The following DTNA variants were observed in gnomAD, a reference collection of about 807,000 sequenced individuals.
DTNA encodes the protein dystrophin-related protein 3.
In DTNA, 43 loss-of-function variants were observed where a neutral mutation model predicts 100.7. The observed-to-expected ratio is 0.43, with a 90% CI of 0.33 to 0.55. The LOEUF is 0.55. Ranked by LOEUF, DTNA falls within the 20% of genes least tolerant of loss-of-function variation. The probability of loss-of-function intolerance (pLI) is 0.04; values close to 1 mark genes in which losing one functional copy is unlikely to be tolerated. For missense variants in DTNA, 798 were observed against 953.9 expected, an observed-to-expected ratio of 0.84 and a Z score of 2.15; for synonymous variants, 349 against 347.9, an observed-to-expected ratio of 1.00 and a Z score of -0.04.
intron 1 of DTNA, among the ~76,000 whole-genome samples, chr18:34,600,475 A>C (rs1481566272): frequency 6.6e-6 from 1 of 152,228 alleles, no homozygotes; most frequent in Admixed American, 6.5e-5. Context: ...TAGATGCTGA[A>C]ACAATGAATT....
chr18:34,792,354 G>T (rs1424284485), intron 3 of DTNA, among the ~76,000 whole-genome samples: 3 of 152,268 alleles, frequency 2.0e-5, no homozygotes, highest in South Asian at 2.1e-4. Flanking sequence ...TATAATGGAA[G>T]AAATTGGTGA....
intron 1 of DTNA, among the ~76,000 whole-genome samples, chr18:34,595,286 C>T (rs956610249): frequency 2.6e-5 from 4 of 152,056 alleles, no homozygotes; most frequent in African/African-American, 4.8e-5. Flanking sequence ...TGTAGGCATA[C>T]CTTTTATGTA....
chr18:34,600,742 T>A (rs1362595165), intron 1 of DTNA, among the ~76,000 whole-genome samples: 3 of 152,244 alleles, frequency 2.0e-5, no homozygotes, highest in African/African-American at 7.2e-5. Context: ...ATGATAAAAC[T>A]AAGATGTAGA....
At chr18:34,595,570 G>A (rs1009051434) in intron 1 of DTNA, among the ~76,000 whole-genome samples, 1 of 152,112 alleles carries the variant, frequency 6.6e-6, no homozygotes, top group Non-Finnish European at 1.5e-5. Context: ...CATCCTAAGT[G>A]TAGTTTTATA....
chr18:34,809,084 G>T (rs906698187), intron 5 of DTNA, among the ~76,000 whole-genome samples: 1 of 151,988 alleles, frequency 6.6e-6, no homozygotes, highest in African/African-American at 2.4e-5. Context: ...AAGGTAATTT[G>T]GTCACAAAAA....
At chr18:34,642,455 C>T (rs1187374795) in intron 1 of DTNA, among the ~76,000 whole-genome samples, 1 of 152,186 alleles carries the variant, frequency 6.6e-6, no homozygotes, top group Non-Finnish European at 1.5e-5. Flanking sequence ...GAACAACTTT[C>T]ACATTCCACT....
intron 4 of DTNA, among the ~76,000 whole-genome samples, chr18:34,797,988 C>T (rs57225217): frequency 7.7e-6 from 1 of 129,842 alleles, no homozygotes. Context: ...GAGCTCTTGT[C>T]GTACTAATTT....
chr18:34,888,647 G>A lies in DTNA; in HGVS notation c.*913G>A, dbSNP rs950133349. ...CTGTGAACTATGTTTTGAAATACTCGTTACTAAAGCTGTTTATAAACCACA... is the reference window on the plus strand; with the variant it reads ...CTGTGAACTATGTTTTGAAATACTCATTACTAAAGCTGTTTATAAACCACA... On this transcript the variant is annotated 3_prime_UTR_variant, in exon 23 of 23. Coordinates refer to ENST00000444659, the MANE Select transcript of DTNA (RefSeq NM_001386795.1). The A allele has an allele frequency of 2.8e-5, 28 of 985,562 alleles. No individual in the cohort carries two copies. The highest frequency in any genetic ancestry group is 1.1e-4 in the East Asian group (1 of 8,826). 61.1% of individuals were successfully genotyped at this position (985,562 alleles called of 1,614,324 possible).
chr18:34,506,856 TAGTA>T (rs1488933540), intron 1 of DTNA, among the ~76,000 whole-genome samples: 3 of 152,172 alleles, frequency 2.0e-5, no homozygotes, highest in Non-Finnish European at 2.9e-5. Flanking sequence ...CAGTTGTACT[TAGTA>T]AGAAGAGTAG....
Position 34,870,029 on chromosome 18 carries a change from A to G in DTNA, c.1744-5210A>G, listed in dbSNP as rs982846767. Among the ~76,000 whole-genome samples the G allele has an allele frequency of 1.2e-4, 18 of 152,384 alleles. No homozygotes were observed. The South Asian group carries it at 2.1e-3, about 18-fold the overall frequency. ...CGACACAGCGAGACTCCGTCTCAAA[A>G]AAAAGGGGGTAAAATTAAGCTTATG... On this transcript the variant is annotated intron_variant, in intron 17 of 22. Transcript: ENST00000444659.
intron 1 of DTNA, among the ~76,000 whole-genome samples, chr18:34,740,018 C>G (rs1425110239): frequency 6.6e-6 from 1 of 152,136 alleles, no homozygotes; most frequent in African/African-American, 2.4e-5. Context: ...GATGTAACAC[C>G]TCTCAGCTGG....
chr18:34,550,165 C>G (rs2045250456), intron 1 of DTNA, among the ~76,000 whole-genome samples: 1 of 152,084 alleles, frequency 6.6e-6, no homozygotes, highest in African/African-American at 2.4e-5. Context: ...AGGCCAATTC[C>G]CTAAAATTTC....
chr18:34,831,479 A>G (rs1010000557), intron 11 of DTNA, among the ~76,000 whole-genome samples: 6 of 152,346 alleles, frequency 3.9e-5, no homozygotes, highest in Middle Eastern at 3.4e-3. Context: ...ATCATATTGT[A>G]TTAGATGGCC....
rs572317224 is a variant in DTNA at position 34,803,515 on chromosome 18, T to A, written c.363-2704T>A. ...GGTCAATCCTCTCCTTTTAAATAAA[T>A]TATTCTCTCGGATTCATTGAAAGGA... On this transcript the variant is annotated intron_variant, in intron 4 of 22. Transcript: ENST00000444659. 3.9e-5 allele frequency among the ~76,000 whole-genome samples: 6 copies of A among 152,250 alleles called. No homozygotes were observed. In the East Asian group the frequency reaches 1.2e-3, roughly 29 times the overall value.
rs558509102 is a variant in DTNA, at chr18:34,888,285, G to GA, written c.*558dup. ...CTGTACATTTTTTTCACAGCAATTG[G>GA]AAAAAAACAACCACTTGCAATCATT... is the stretch of plus-strand genomic sequence containing the variant. On this transcript the variant is annotated 3_prime_UTR_variant, in exon 23 of 23. Coordinates refer to ENST00000444659, the MANE Select transcript of DTNA (RefSeq NM_001386795.1). 17 of 985,476 alleles carry GA rather than the reference G, an allele frequency of 1.7e-5. No homozygotes were observed. Among genetic ancestry groups the GA allele is most frequent in the Admixed American group, 6.2e-5 (1 of 16,230 alleles). 61.0% of individuals were successfully genotyped at this position (985,476 alleles called of 1,614,324 possible). A position where few individuals can be genotyped will look rare whatever the true frequency, so the allele number is the denominator to read the frequency against.
At chr18:34,530,679 C>T (rs77992660) in intron 1 of DTNA, among the ~76,000 whole-genome samples, 9,109 of 152,082 alleles carry the variant, frequency 0.06, 823 homozygotes, top group African/African-American at 0.2. Context: ...TTAACCCCTC[C>T]AACAGTGCTT....
At position 34,625,409 on chromosome 18, in the gene DTNA, A is replaced by G. The variant is rs142678310; in HGVS notation, c.-1-130567A>G. The stretch of plus-strand genomic sequence containing the variant: ...GCTGGTCTGGAACTCCTGGTGTCAG[A>G]TAATCTGCCTGCCTCAGCTTCCCAA... On this transcript the variant is annotated intron_variant, in intron 1 of 19. Coordinates refer to the DTNA transcript ENST00000283365. Among the ~76,000 whole-genome samples the G allele has an allele frequency of 8.3e-3, 1,265 of 152,168 alleles. 20 individuals are homozygous for G. Among genetic ancestry groups the G allele is most frequent in the African/African-American group, 0.028 (1,177 of 41,532 alleles).
At chr18:34,866,567 G>A in intron 17 of DTNA, 1 of 1,022,506 alleles carries the variant, frequency 9.8e-7, no homozygotes, top group Non-Finnish European at 1.2e-6. Context: ...CTCACACTGT[G>A]AGTATTCAGT....
chr18:34,852,208 A>T (rs983554865), intron 15 of DTNA, among the ~76,000 whole-genome samples: 4 of 152,070 alleles, frequency 2.6e-5, no homozygotes, highest in Non-Finnish European at 5.9e-5. Context: ...TTTCTGAGAT[A>T]CTTAATTTTG....
Sources: allele counts gnomAD v4.1 joint callset (sites outside exome capture counted in the v4.1 genomes callset), GRCh38; gene constraint gnomAD v4.1.1; transcripts MANE v1.5; gene names NCBI Gene and HGNC (gene_info 2026-07-23, HGNC 2026-07-21).